YWHAG: variants seen among roughly 807,000 people sequenced by gnomAD.
YWHAG encodes the protein 14-3-3 protein gamma.
YWHAG carries 1 observed loss-of-function variant against 23.3 expected under a neutral mutation model. The observed-to-expected ratio is 0.04, with a 90% confidence interval of 0.02 to 0.20. YWHAG has a LOEUF of 0.20. Ranked by LOEUF, YWHAG falls within the 10% of genes least tolerant of loss-of-function variation. The pLI, the probability that YWHAG is intolerant of heterozygous loss-of-function variation, is 1.00. For missense variants in YWHAG, 151 were observed against 338.6 expected (o/e 0.45, Z 4.35); for synonymous variants, 160 against 144.0 (o/e 1.11, Z -0.80).
chr7:76,356,298 A>G (rs188871306), intron 1 of YWHAG, among the ~76,000 whole-genome samples: 29 of 152,320 alleles, frequency 1.9e-4, no homozygotes, highest in Non-Finnish European at 3.2e-4. Flanking sequence ...GTATTGTCCC[A>G]TTTTACAGAT....
intron 1 of YWHAG, among the ~76,000 whole-genome samples, chr7:76,332,531 TTC>T (rs1198563513): frequency 2.0e-5 from 3 of 152,160 alleles, no homozygotes; most frequent in Non-Finnish European, 4.4e-5. Context: ...TCTTTTTTTG[TTC>T]TTTTTGAGAC....
At chr7:76,348,263 TCG>T (rs1583991356) in intron 1 of YWHAG, among the ~76,000 whole-genome samples, 1 of 121,782 alleles carries the variant, frequency 8.2e-6, no homozygotes, top group Non-Finnish European at 1.6e-5. Flanking sequence ...GCCTTAGACT[TCG>T]TTTTTTTTTT....
At chr7:76,337,911 G>C (rs1347454059) in intron 1 of YWHAG, among the ~76,000 whole-genome samples, 1 of 152,134 alleles carries the variant, frequency 6.6e-6, no homozygotes, top group Non-Finnish European at 1.5e-5. Context: ...CTGAGTCCCA[G>C]TACATCACCA....
chr7:76,340,617 T>G (rs1451230137), intron 1 of YWHAG, among the ~76,000 whole-genome samples: 1 of 152,192 alleles, frequency 6.6e-6, no homozygotes, highest in Non-Finnish European at 1.5e-5. Flanking sequence ...GGCTCAGCGC[T>G]GAAGAACAGA....
chr7:76,332,326 C>T (rs528458757), intron 1 of YWHAG, among the ~76,000 whole-genome samples: 25 of 152,288 alleles, frequency 1.6e-4, no homozygotes, highest in African/African-American at 5.5e-4. Flanking sequence ...ATCCAGCAGA[C>T]CGCTGTCACT....
intron 1 of YWHAG, among the ~76,000 whole-genome samples, chr7:76,346,290 A>G (rs1191234479): frequency 2.0e-5 from 3 of 152,172 alleles, no homozygotes; most frequent in African/African-American, 2.4e-5. Context: ...ACCACTCCCT[A>G]GCGCTTTACA....
intron 1 of YWHAG, among the ~76,000 whole-genome samples, chr7:76,350,542 T>C (rs967188397): frequency 1.3e-5 from 2 of 152,094 alleles, no homozygotes; most frequent in South Asian, 4.1e-4. Flanking sequence ...CATCATAAAG[T>C]TGAAAAATTG....
intron 1 of YWHAG, among the ~76,000 whole-genome samples, chr7:76,349,965 G>C (rs761401320): frequency 2.6e-5 from 4 of 152,188 alleles, no homozygotes; most frequent in Non-Finnish European, 4.4e-5. Flanking sequence ...CTGTACCCCA[G>C]CCTGGGCAAC....
In YWHAG at chr7:76,358,883, GAGCCCA is replaced by G; in HGVS notation, c.-81_-76del. 1 of 1,414,264 alleles carries G rather than the reference GAGCCCA, an allele frequency of 7.1e-7. No individual in the cohort carries two copies. The highest frequency in any genetic ancestry group is 1.5e-5 in the African/African-American group (1 of 68,438). The allele number at this position is 1,414,264 out of a possible 1,614,324, so 87.6% of individuals were successfully genotyped here. A position where few individuals can be genotyped will look rare whatever the true frequency, so the allele number is the denominator to read the frequency against. On this transcript the variant is annotated 5_prime_UTR_variant, in exon 1 of 2. Transcript: ENST00000307630. ...CTGAAGGGCTTGGAGGGCGCGACTG[GAGCCCA>G]AGTGCCGGAGAGGACCGACCCACAG...
At position 76,358,944 on chromosome 7, in the gene YWHAG, A is replaced by G. The variant is rs983616396; in HGVS notation, c.-136T>C. ...AGCAGCTGAGGCGGCGGCTGCGCGG[A>G]GGAGGCGGCTGGAGCTGCGACCGCG... On this transcript the variant is annotated 5_prime_UTR_variant, in exon 1 of 2. Coordinates refer to ENST00000307630, the MANE Select transcript of YWHAG (RefSeq NM_012479.4). The G allele has an allele frequency of 2.0e-5, 16 of 791,790 alleles. No individual in the cohort carries two copies. In the African/African-American group the frequency reaches 2.9e-4, roughly 14 times the overall value. 49.0% of individuals were successfully genotyped at this position (791,790 alleles called of 1,614,324 possible).
chr7:76,352,694 G>A (rs1215074360), intron 1 of YWHAG, among the ~76,000 whole-genome samples: 1 of 151,498 alleles, frequency 6.6e-6, no homozygotes, highest in Non-Finnish European at 1.5e-5. Context: ...CTGTCACCCA[G>A]GCTGGAGTGC....
At chr7:76,331,185 A>T (rs1038422290) in intron 1 of YWHAG, among the ~76,000 whole-genome samples, 1 of 152,156 alleles carries the variant, frequency 6.6e-6, no homozygotes, top group Non-Finnish European at 1.5e-5. Context: ...CAGCAGGATC[A>T]CAGATCACTG....
chr7:76,332,108 A>T (rs981415028), intron 1 of YWHAG, among the ~76,000 whole-genome samples: 9 of 152,184 alleles, frequency 5.9e-5, no homozygotes, highest in Non-Finnish European at 1.3e-4. Flanking sequence ...ATGCTGGACA[A>T]CGTTACTCCT....
chr7:76,329,489 T>TGCCACCC lies in YWHAG; in HGVS notation c.*87_*88insGGGTGGC. 2 of 1,024,226 alleles carry TGCCACCC rather than the reference T, an allele frequency of 2.0e-6. No individual in the cohort carries two copies. The highest frequency in any genetic ancestry group is 2.7e-6 in the Non-Finnish European group (2 of 740,080). 63.4% of individuals were successfully genotyped at this position (1,024,226 alleles called of 1,614,324 possible). A position where few individuals can be genotyped will look rare whatever the true frequency, so the allele number is the denominator to read the frequency against. ...TCCCTGGGAAGGTCATCCCTCCCTTTCCCTCCCCCACCCGACCCCCAACTC... is the reference window on the plus strand; with the variant it reads ...TCCCTGGGAAGGTCATCCCTCCCTTTGCCACCCCCCTCCCCCACCCGACCCCCAACTC... On this transcript the variant is annotated 3_prime_UTR_variant, in exon 2 of 2. Coordinates refer to ENST00000307630, the MANE Select transcript of YWHAG (RefSeq NM_012479.4). The surrounding 1 kb of genome is among the most constrained non-coding windows in gnomAD (Gnocchi z 6.1).
At chr7:76,349,119 G>T (rs945070538) in intron 1 of YWHAG, among the ~76,000 whole-genome samples, 2 of 151,994 alleles carry the variant, frequency 1.3e-5, no homozygotes, top group African/African-American at 4.8e-5. Context: ...GAGGTAGGTG[G>T]ATCACGAGGT....
chr7:76,348,996 A>G (rs1033609034), intron 1 of YWHAG, among the ~76,000 whole-genome samples: 1 of 152,218 alleles, frequency 6.6e-6, no homozygotes, highest in African/African-American at 2.4e-5. Context: ...CCAAGGTGAC[A>G]GTAAACGTCA....
Position 76,328,015 on chromosome 7 carries a change from AAAT to A in YWHAG, c.*1559_*1561del, listed in dbSNP as rs1369691354. 6.6e-6 allele frequency: 1 copy of A among 152,130 alleles called. No homozygotes were observed. Among genetic ancestry groups the A allele is most frequent in the Admixed American group, 6.6e-5 (1 of 15,266 alleles). The allele number at this position is 152,130 out of a possible 1,614,324, so 9.4% of individuals were successfully genotyped here. On this transcript the variant is annotated 3_prime_UTR_variant, in exon 2 of 2. Coordinates refer to ENST00000307630, the MANE Select transcript of YWHAG (RefSeq NM_012479.4). Reference sequence around the variant, plus strand: ...CAATTACTCACACCTCTTCTTGCCTAAATAAAACAAAGAAACAAAGAAAACAAG... The same window carrying A: ...CAATTACTCACACCTCTTCTTGCCTAAAAACAAAGAAACAAAGAAAACAAG...
intron 1 of YWHAG, among the ~76,000 whole-genome samples, chr7:76,347,981 A>C (rs1025337109): frequency 3.3e-5 from 5 of 152,248 alleles, no homozygotes; most frequent in African/African-American, 4.8e-5. Context: ...TTTCTAAAAG[A>C]AACCGGGTTA....
chr7:76,343,010 G>A (rs777125323), intron 1 of YWHAG, among the ~76,000 whole-genome samples: 8 of 152,114 alleles, frequency 5.3e-5, no homozygotes, highest in East Asian at 1.9e-4. Context: ...GGTGGCAGGC[G>A]CCTGTAATCC....
Sources: gnomAD v4.1 joint callset for allele counts (sites outside exome capture counted in the v4.1 genomes callset) on GRCh38, gnomAD v4.1.1 for gene constraint, Gnocchi (gnomAD v3.1) non-coding constraint, MANE v1.5 for transcripts, NCBI Gene and HGNC (gene_info 2026-07-23, HGNC 2026-07-21) for gene names.